Variants in PLD3 observed in about 807,000 individuals in gnomAD.
The protein encoded by PLD3 is 5'-3' exonuclease PLD3.
In PLD3, 31 loss-of-function variants were observed where a neutral mutation model predicts 58.4. The ratio of observed to expected loss-of-function variants is 0.53; its 90% confidence interval spans 0.40 to 0.72. The LOEUF (loss-of-function observed/expected upper bound fraction) is 0.72, where lower values mean the gene tolerates loss of function less well. PLD3 is among the 30% of genes least tolerant of loss of function. PLD3 has a pLI of 0.00. For missense variants in PLD3, 595 were observed against 659.8 expected, an observed-to-expected ratio of 0.90 and a Z score of 1.08; for synonymous variants, 264 against 273.4, an observed-to-expected ratio of 0.97 and a Z score of 0.34.
chr19:40,373,744 T>C (rs2079123394), intron 9 of PLD3, among the ~76,000 whole-genome samples: 1 of 151,990 alleles, frequency 6.6e-6, no homozygotes. Flanking sequence ...CCCAGCACTT[T>C]GGGAGGCCTA....
chr19:40,374,667 A>T, intron 10 of PLD3, 47 bp downstream of exon 10: 1 of 1,609,326 alleles, frequency 6.2e-7, no homozygotes, highest in Non-Finnish European at 8.5e-7. Flanking sequence ...TGGCCAGGAG[A>T]CGGGAGAGGG....
intron 1 of PLD3, among the ~76,000 whole-genome samples, chr19:40,352,214 A>G (rs180861467): frequency 2.9e-4 from 44 of 151,704 alleles, no homozygotes; most frequent in African/African-American, 9.9e-4. Context: ...CAGAGGTTGC[A>G]GTGAGCCGAG....
intron 1 of PLD3, among the ~76,000 whole-genome samples, chr19:40,353,498 C>G (rs1226221350): frequency 6.6e-6 from 1 of 152,166 alleles, no homozygotes; most frequent in Non-Finnish European, 1.5e-5. Context: ...TCCCTGAGCC[C>G]TGCCACCTCA....
chr19:40,364,969 A>G (rs977265701), intron 1 of PLD3, among the ~76,000 whole-genome samples: 4 of 152,130 alleles, frequency 2.6e-5, no homozygotes, highest in African/African-American at 9.7e-5. Context: ...TAAAAAAAGA[A>G]AAGAAAAGAA....
rs751823796 is a variant in PLD3 at position 40,371,659 on chromosome 19, C to T, written c.679-14C>T. ...TAGGCCGCTATCGCTGAGCTCAGCACTGCCCTCCTACAGGTCAAGGAGCTG... is the reference window on the plus strand; with the variant it reads ...TAGGCCGCTATCGCTGAGCTCAGCATTGCCCTCCTACAGGTCAAGGAGCTG... On this transcript the variant is annotated splice_polypyrimidine_tract_variant and intron_variant, in intron 8 of 12. Transcript: ENST00000409735. 6.2e-7 allele frequency: 1 copy of T among 1,601,298 alleles called. No homozygotes were observed. Among genetic ancestry groups the T allele is most frequent in the South Asian group, 1.1e-5 (1 of 90,540 alleles).
chr19:40,370,395 A>T (rs537190236), intron 8 of PLD3, 158 bp downstream of exon 8: 11 of 755,834 alleles, frequency 1.5e-5, no homozygotes, highest in Non-Finnish European at 2.3e-5. Flanking sequence ...AATCCAAGCC[A>T]TGCACGGTGG....
rs2079214933 is a variant in PLD3, at chr19:40,376,765, C to T, written c.1176C>T (p.Asp392=). The T allele has an allele frequency of 1.9e-6, 3 of 1,599,662 alleles. No homozygotes were observed. Among genetic ancestry groups the T allele is most frequent in the African/African-American group, 1.3e-5 (1 of 75,054 alleles). ...TGCGTGACAACCATACCCACTCTGA[C>T]ATCCAGGTGGTAAGTACTGCCCCAA... ...AALRDNHTHS[D]IQVKLFVVPA... Residue 392 remains aspartate, a synonymous_variant, in exon 11 of 13, where the codon GAC becomes GAT. Transcript: ENST00000409735.
At chr19:40,351,548 AAGAG>A (rs1038501071) in intron 1 of PLD3, among the ~76,000 whole-genome samples, 4 of 152,156 alleles carry the variant, frequency 2.6e-5, no homozygotes, top group Admixed American at 6.5e-5. Flanking sequence ...GTCTCAAAAA[AAGAG>A]AGAGAGAAAG....
At chr19:40,367,028 G>A in intron 5 of PLD3, 113 bp downstream of exon 5, 4 of 1,238,646 alleles carry the variant, frequency 3.2e-6, no homozygotes, top group Non-Finnish European at 4.4e-6. Context: ...CGACAAGTGA[G>A]GAGGTTGCAG....
chr19:40,350,013 C>T, intron 1 of PLD3, among the ~76,000 whole-genome samples: 1 of 150,404 alleles, frequency 6.6e-6, no homozygotes, highest in African/African-American at 2.5e-5. Context: ...GTAATCCCAG[C>T]ACTTTGGGAG....
In PLD3 at chr19:40,367,399, A is replaced by G. The variant is rs948516212; in HGVS notation, c.246-297A>G. ...AGTTCCAGACCAGCCTGGGCAATGT[A>G]GTGCGGCTCCATCTCTACTAAAAGT... On this transcript the variant is annotated intron_variant, in intron 5 of 12. Coordinates refer to ENST00000409735, the MANE Select transcript of PLD3 (RefSeq NM_012268.4). The G allele has an allele frequency of 1.1e-4, 34 of 300,084 alleles. No individual in the cohort carries two copies. The East Asian group carries it at 1.9e-3, about 17-fold the overall frequency. The allele number at this position is 300,084 out of a possible 1,614,324, so 18.6% of individuals were successfully genotyped here.
chr19:40,368,248 G>A (rs2145688945), intron 6 of PLD3, among the ~76,000 whole-genome samples: 1 of 152,288 alleles, frequency 6.6e-6, no homozygotes, highest in South Asian at 2.1e-4. Context: ...CCCCAGGCAG[G>A]CCACCTCTTC....
Position 40,352,069 on chromosome 19 carries a change from C to T in PLD3, c.-279+3301C>T, listed in dbSNP as rs950089007. On this transcript the variant is annotated intron_variant, in intron 1 of 12. Transcript: ENST00000409735. ...GGCGGATCACTTGAGGTCAGGAGTT[C>T]GAAACCACCCTGACCAACATGGTGA... is the stretch of plus-strand genomic sequence containing the variant. Among the ~76,000 whole-genome samples the T allele has an allele frequency of 3.9e-5, 6 of 152,230 alleles. No homozygotes were observed. In the East Asian group the frequency reaches 9.7e-4, roughly 25 times the overall value.
intron 1 of PLD3, chr19:40,360,465 G>A (rs2078752074): frequency 6.6e-6 from 1 of 151,854 alleles, no homozygotes; most frequent in Non-Finnish European, 1.5e-5. Context: ...CAGAATGTAT[G>A]GCCAGGCGCA....
Position 40,378,227 on chromosome 19 carries a change from C to T in PLD3, c.*54C>T. ...TGCTGGGCCCCCGCGGACCCAGGTGCTCTGGGTCACGGTCCCTGTCCCCGC... is the reference window on the plus strand; with the variant it reads ...TGCTGGGCCCCCGCGGACCCAGGTGTTCTGGGTCACGGTCCCTGTCCCCGC... On this transcript the variant is annotated 3_prime_UTR_variant, in exon 13 of 13. Transcript: ENST00000409735. The T allele has an allele frequency of 6.6e-7, 1 of 1,512,804 alleles. No individual in the cohort carries two copies. The highest frequency in any genetic ancestry group is 2.3e-5 in the East Asian group (1 of 44,308). 93.7% of individuals were successfully genotyped at this position (1,512,804 alleles called of 1,614,324 possible).
intron 1 of PLD3, among the ~76,000 whole-genome samples, chr19:40,363,937 G>A (rs142079561): frequency 6.9e-4 from 105 of 151,986 alleles, no homozygotes; most frequent in African/African-American, 2.2e-3. Flanking sequence ...AGAGTAATGC[G>A]CGCCCCTGAT....
intron 1 of PLD3, among the ~76,000 whole-genome samples, chr19:40,350,743 C>CAA (rs200435356): frequency 1.0e-5 from 1 of 99,646 alleles, no homozygotes; most frequent in African/African-American, 3.7e-5. Context: ...GACCCCATCT[C>CAA]AAAAAAAAAA....
chr19:40,373,990 TC>T (rs2079129795), intron 9 of PLD3, among the ~76,000 whole-genome samples: 1 of 90,260 alleles, frequency 1.1e-5, no homozygotes, highest in Non-Finnish European at 2.1e-5. Flanking sequence ...AGACTCCATC[TC>T]AAAAAAAAAA....
At chr19:40,364,174 T>C (rs1428779169) in intron 1 of PLD3, among the ~76,000 whole-genome samples, 1 of 150,748 alleles carries the variant, frequency 6.6e-6, no homozygotes, top group African/African-American at 2.4e-5. Flanking sequence ...GCCAACTTGG[T>C]GAAACCCTGT....
Sources: gnomAD v4.1 joint callset for allele counts (sites outside exome capture counted in the v4.1 genomes callset) on GRCh38, gnomAD v4.1.1 for gene constraint, MANE v1.5 for transcripts, NCBI Gene and HGNC (gene_info 2026-07-23, HGNC 2026-07-21) for gene names.